The following CLASP2 variants were observed in gnomAD, a reference collection of about 807,000 sequenced individuals.
CLASP2 encodes the protein cytoplasmic linker associated protein 2.
CLASP2 carries 47 observed loss-of-function variants against 194.4 expected under a neutral mutation model. That is an observed-to-expected ratio of 0.24 (90% confidence interval 0.19 to 0.31). The LOEUF (loss-of-function observed/expected upper bound fraction) is 0.31, where lower values mean the gene tolerates loss of function less well. Ranked by LOEUF, CLASP2 falls within the 10% of genes least tolerant of loss-of-function variation. The pLI, the probability that CLASP2 is intolerant of heterozygous loss-of-function variation, is 1.00. For synonymous variants in CLASP2, 619 were observed against 633.5 expected, an observed-to-expected ratio of 0.98 and a Z score of 0.34; for missense variants, 1,445 against 1,823.6, an observed-to-expected ratio of 0.79 and a Z score of 3.78.
intron 12 of CLASP2, among the ~76,000 whole-genome samples, chr3:33,617,951 A>T (rs201157647): frequency 0.032 from 3,760 of 116,478 alleles, 80 homozygotes; most frequent in South Asian, 0.07. Flanking sequence ...ATATATATAT[A>T]TTTTTTTTTT....
intron 7 of CLASP2, chr3:33,659,178 G>T: frequency 2.9e-6 from 4 of 1,374,832 alleles, no homozygotes; most frequent in African/African-American, 2.9e-5. Context: ...ATAAAAGTCT[G>T]GGGTCTTGCT....
intron 8 of CLASP2, among the ~76,000 whole-genome samples, chr3:33,638,687 T>G (rs1027078167): frequency 6.6e-6 from 1 of 152,228 alleles, no homozygotes; most frequent in Admixed American, 6.5e-5. Flanking sequence ...ATTGTTTATA[T>G]TCACATGTCC....
rs150561027 is a variant in CLASP2, at chr3:33,686,021, A to G, written c.546+1039T>C. Among the ~76,000 whole-genome samples, 4 of 152,260 alleles carry G rather than the reference A, an allele frequency of 2.6e-5. No homozygotes were observed. In the East Asian group the frequency reaches 7.7e-4, roughly 29 times the overall value. ...AATTTTATATTGTATTTGCTATAAT[A>G]AAAGGAAAAAAAAAGAATGTGGTCT... On this transcript the variant is annotated intron_variant, in intron 5 of 38. Transcript: ENST00000682230.
intron 8 of CLASP2, among the ~76,000 whole-genome samples, chr3:33,642,580 T>TAATC (rs1407066874): frequency 6.6e-6 from 1 of 151,950 alleles, no homozygotes. Flanking sequence ...TCAAGTTGAA[T>TAATC]AATCATCTAT....
At chr3:33,520,598 T>C (rs116686093) in intron 34 of CLASP2, among the ~76,000 whole-genome samples, 1,895 of 152,060 alleles carry the variant, frequency 0.012, 14 homozygotes, top group Middle Eastern at 0.044. Context: ...GGATGAGGAG[T>C]AGATCTGTGC....
rs76780577 is a variant in CLASP2, at chr3:33,655,013, T to C, written c.715+8432A>G. On this transcript the variant is annotated intron_variant, in intron 7 of 38. Transcript: ENST00000682230. ...GGACAATCACAATTTAAACCATTAT[T>C]TGGTATTAATGAAATTAAATAACAC... 6.6e-5 allele frequency among the ~76,000 whole-genome samples: 10 copies of C among 152,254 alleles called. No homozygotes were observed. The East Asian group carries it at 1.9e-3, about 29-fold the overall frequency.
intron 2 of CLASP2, among the ~76,000 whole-genome samples, chr3:33,694,890 C>T (rs1304459255): frequency 1.3e-5 from 2 of 151,832 alleles, no homozygotes; most frequent in African/African-American, 4.8e-5. Context: ...CTGCAGTGAG[C>T]CACGATCATA....
At chr3:33,694,474 G>A (rs2091667860) in intron 2 of CLASP2, among the ~76,000 whole-genome samples, 1 of 152,160 alleles carries the variant, frequency 6.6e-6, no homozygotes, top group Non-Finnish European at 1.5e-5. Flanking sequence ...AGCTACTACA[G>A]GGCAACAGTC....
intron 30 of CLASP2, among the ~76,000 whole-genome samples, chr3:33,548,820 T>C (rs1168462189): frequency 7.0e-6 from 1 of 142,706 alleles, no homozygotes. Flanking sequence ...CAGGCTGGAG[T>C]AGAGCAGCAT....
chr3:33,600,207 TA>T (rs1371803993), intron 18 of CLASP2, among the ~76,000 whole-genome samples: 1 of 152,146 alleles, frequency 6.6e-6, no homozygotes, highest in African/African-American at 2.4e-5. Context: ...TTTTCTTGCT[TA>T]ATTGCCCTGT....
In CLASP2 at chr3:33,516,109, G is replaced by A. The variant is rs886502498; in HGVS notation, c.4024C>T (p.Leu1342=). 1 of 1,609,592 alleles carries A rather than the reference G, an allele frequency of 6.2e-7. No individual in the cohort carries two copies. Reference sequence around the variant, plus strand: ...TTAAATCTTGCTGGTTGATGCCTTAGGATTTCTCTTAAAACCTTTAATGCC... The same window carrying A: ...TTAAATCTTGCTGGTTGATGCCTTAAGATTTCTCTTAAAACCTTTAATGCC... The part of the protein sequence containing the change: ...ALALKVLREI[L]RHQPARFKNY... Residue 1342 remains leucine (L), a synonymous_variant, in exon 36 of 39, where the codon CTA becomes TTA. Transcript: ENST00000682230.
chr3:33,499,615 C>T (rs570959624), intron 38 of CLASP2, among the ~76,000 whole-genome samples: 3 of 151,920 alleles, frequency 2.0e-5, no homozygotes, highest in African/African-American at 7.2e-5. Flanking sequence ...TCCCAAAGTG[C>T]TGGGATTACA....
chr3:33,559,535 G>A, intron 28 of CLASP2, 150 bp from the exon 29 acceptor site: 1 of 611,632 alleles, frequency 1.6e-6, no homozygotes, highest in Non-Finnish European at 2.9e-6. Context: ...ACCTGGTATA[G>A]TATACAATAA....
chr3:33,712,606 A>T (rs2093068961), intron 1 of CLASP2, among the ~76,000 whole-genome samples: 1 of 152,196 alleles, frequency 6.6e-6, no homozygotes, highest in Non-Finnish European at 1.5e-5. Flanking sequence ...CTTCAAGTTC[A>T]AAGAAATGAG....
chr3:33,625,797 CA>C (rs769514998), intron 10 of CLASP2, among the ~76,000 whole-genome samples: 2 of 151,784 alleles, frequency 1.3e-5, no homozygotes, highest in Non-Finnish European at 2.9e-5. Flanking sequence ...TTAGCCTCAA[CA>C]AAAGTTTGTT....
intron 19 of CLASP2, 169 bp downstream of exon 19, chr3:33,596,542 T>C: frequency 1.5e-6 from 1 of 660,900 alleles, no homozygotes; most frequent in South Asian, 2.0e-5. Context: ...TAGATATCCC[T>C]AACCCCAAAT....
At chr3:33,562,049 T>C (rs950450968) in intron 27 of CLASP2, among the ~76,000 whole-genome samples, 2 of 152,240 alleles carry the variant, frequency 1.3e-5, no homozygotes, top group Admixed American at 1.3e-4. Flanking sequence ...CTCTTTTTTT[T>C]CTTTAGAAAT....
chr3:33,625,415 T>C (rs1347025960), intron 10 of CLASP2, among the ~76,000 whole-genome samples: 1 of 152,008 alleles, frequency 6.6e-6, no homozygotes, highest in Non-Finnish European at 1.5e-5. Flanking sequence ...AAGGAATATA[T>C]GTACATATTA....
intron 15 of CLASP2, 142 bp downstream of exon 15, chr3:33,607,242 T>A: frequency 1.8e-6 from 1 of 570,532 alleles, no homozygotes; most frequent in Non-Finnish European, 3.0e-6. Context: ...CTAATACAGA[T>A]GTAATGGAGA....
Sources: allele counts gnomAD v4.1 joint callset (sites outside exome capture counted in the v4.1 genomes callset), GRCh38; gene constraint gnomAD v4.1.1; transcripts MANE v1.5; gene names NCBI Gene and HGNC (gene_info 2026-07-23, HGNC 2026-07-21).